TPR: variants seen among roughly 807,000 people sequenced by gnomAD.
TPR encodes translocated promoter region, nuclear basket protein, also known as nucleoprotein TPR.
Under a neutral mutation model 316.1 loss-of-function variants are expected in TPR, and 51 were observed. The ratio of observed to expected loss-of-function variants is 0.16; its 90% CI spans 0.13 to 0.20. The LOEUF is 0.20. TPR is among the 10% of genes least tolerant of loss of function. The pLI is 1.00. For missense variants in TPR, 2,272 were observed against 2,754.8 expected, an observed-to-expected ratio of 0.82 and a Z score of 3.92; for synonymous variants, 981 against 914.7, an observed-to-expected ratio of 1.07 and a Z score of -1.31.
rs1245767523 is a variant in TPR at position 186,335,349 on chromosome 1, G to T, written c.4900C>A (p.Pro1634Thr). The change falls in exon 34 of 51, where the codon CCT becomes ACT. Residue 1634 changes from proline to threonine, a missense_variant. Coordinates refer to ENST00000367478, the MANE Select transcript of TPR (RefSeq NM_003292.3). ...HLEQRDEPQEPSNKVPEQQRQ... is the reference protein window; with the variant it reads ...HLEQRDEPQETSNKVPEQQRQ... ...AATTAGCTAATCACCTTATTAGAAG[G>T]TTCTTGAGGCTCATCTCTCTGCTCA... is the stretch of plus-strand genomic sequence containing the variant. 6.2e-7 allele frequency: 1 copy of T among 1,613,206 alleles called. No individual in the cohort carries two copies. Among genetic ancestry groups the T allele is most frequent in the African/African-American group, 1.3e-5 (1 of 74,870 alleles).
intron 17 of TPR, among the ~76,000 whole-genome samples, chr1:186,355,164 C>A (rs1658986487): frequency 6.6e-6 from 1 of 152,118 alleles, no homozygotes; most frequent in East Asian, 1.9e-4. Flanking sequence ...CTCGGCTTCC[C>A]AAAGTGCTGG....
intron 2 of TPR, among the ~76,000 whole-genome samples, chr1:186,373,068 G>A (rs773999913): frequency 2.0e-5 from 3 of 152,078 alleles, no homozygotes; most frequent in Non-Finnish European, 4.4e-5. Flanking sequence ...ACAGACATGT[G>A]GGTCTAACCA....
intron 12 of TPR, 137 bp from the exon 13 acceptor site, chr1:186,358,787 T>C (rs1463499102): frequency 1.5e-6 from 1 of 670,760 alleles, no homozygotes; most frequent in Non-Finnish European, 2.4e-6. Context: ...TTGTAGCCAC[T>C]AAAAAAGAAG....
intron 21 of TPR, 88 bp downstream of exon 21, chr1:186,350,135 G>C: frequency 8.2e-7 from 1 of 1,220,120 alleles, no homozygotes; most frequent in Admixed American, 2.9e-5. Context: ...CATTCACAAA[G>C]AATTAGGCTA....
intron 41 of TPR, 31 bp downstream of exon 41, chr1:186,326,073 A>T (rs761198795): frequency 1.2e-6 from 2 of 1,613,120 alleles, no homozygotes; most frequent in East Asian, 4.5e-5. Flanking sequence ...CATAGAAAGA[A>T]CTATGAATGG....
intron 29 of TPR, 123 bp downstream of exon 29, chr1:186,340,905 T>C (rs923065814): frequency 8.9e-6 from 11 of 1,238,776 alleles, no homozygotes; most frequent in Admixed American, 4.9e-5. Context: ...AATAACATAA[T>C]AGACTTTCAC....
rs369798093 is a variant in TPR at position 186,314,708 on chromosome 1, T to C, written c.6957A>G (p.Gln2319=). Residue 2319 remains glutamine (Q), a synonymous_variant, in exon 50 of 51, where the codon CAA becomes CAG. Coordinates refer to ENST00000367478, the MANE Select transcript of TPR (RefSeq NM_003292.3). ...SSSSVDTSSS[Q]PKPFRRVRLQ... ...GTCTTACTCGTCTGAAAGGCTTTGG[T>C]TGACTACTACTAGTATCTAAGAAAA... 3.1e-6 allele frequency: 5 copies of C among 1,612,026 alleles called. No individual in the cohort carries two copies. The highest frequency in any genetic ancestry group is 1.3e-5 in the African/African-American group (1 of 74,856).
rs906631205 is a variant in TPR, at chr1:186,313,528, T to G, written c.*443A>C. The stretch of plus-strand genomic sequence containing the variant: ...AAAGCTGAAAAGTCTAGGCAATTGT[T>G]TTTCTTTTTGTTATAAAGTTCAAAT... On this transcript the variant is annotated 3_prime_UTR_variant, in exon 51 of 51. Transcript: ENST00000367478. The G allele has an allele frequency of 6.4e-5, 37 of 581,440 alleles. No individual in the cohort carries two copies. In the African/African-American group the frequency reaches 6.5e-4, roughly 10 times the overall value. 36.0% of individuals were successfully genotyped at this position (581,440 alleles called of 1,614,324 possible). A position where few individuals can be genotyped will look rare whatever the true frequency, so the allele number is the denominator to read the frequency against.
chr1:186,371,603 AAACATAGGCT>A (rs1181902932), intron 2 of TPR, among the ~76,000 whole-genome samples: 2 of 152,172 alleles, frequency 1.3e-5, no homozygotes, highest in African/African-American at 4.8e-5. Flanking sequence ...TTTCTCTTCT[AAACATAGGCT>A]AACTAGAAAA....
At chr1:186,339,408 T>C (rs1658440907) in intron 30 of TPR, among the ~76,000 whole-genome samples, 1 of 151,886 alleles carries the variant, frequency 6.6e-6, no homozygotes, top group Admixed American at 6.6e-5. Context: ...AGTAGCTCTT[T>C]AAAAAATAAA....
intron 9 of TPR, among the ~76,000 whole-genome samples, 195 bp from the exon 10 acceptor site, chr1:186,361,100 T>C (rs1159355316): frequency 6.6e-6 from 1 of 151,872 alleles, no homozygotes; most frequent in Non-Finnish European, 1.5e-5. Context: ...TTTCTCCTTT[T>C]GATGTCTCTT....
chr1:186,339,590 T>C (rs1414517726), intron 30 of TPR, 52 bp downstream of exon 30: 15 of 1,379,282 alleles, frequency 1.1e-5, no homozygotes, highest in Non-Finnish European at 1.3e-5. Context: ...TGTAAATAAG[T>C]AAAATAAACT....
At chr1:186,363,290 G>A in intron 5 of TPR, 52 bp downstream of exon 5, 1 of 1,392,752 alleles carries the variant, frequency 7.2e-7, no homozygotes, top group Non-Finnish European at 1.0e-6. Context: ...TAATTTAGGT[G>A]AGTTTTAATA....
intron 45 of TPR, among the ~76,000 whole-genome samples, chr1:186,321,003 A>G (rs1657761112): frequency 6.6e-6 from 1 of 152,182 alleles, no homozygotes; most frequent in African/African-American, 2.4e-5. Flanking sequence ...TTCCTTAGCT[A>G]GTGAGCTATT....
At chr1:186,317,323 A>G (rs942353951) in intron 49 of TPR, among the ~76,000 whole-genome samples, 159 bp downstream of exon 49, 3 of 152,274 alleles carry the variant, frequency 2.0e-5, no homozygotes, top group African/African-American at 4.8e-5. Flanking sequence ...AATTATTTCA[A>G]TATAAACCAA....
rs78094524 is a variant in TPR at position 186,315,746 on chromosome 1, A to G, written c.6941-1022T>C. ...GATCTATCCTCTCCCGCCTCTTAAC[A>G]TATCTCCTGCTACTCTCTGTTCTCA... On this transcript the variant is annotated intron_variant, in intron 49 of 50. Coordinates refer to ENST00000367478, the MANE Select transcript of TPR (RefSeq NM_003292.3). Among the ~76,000 whole-genome samples, 305 of 151,176 alleles carry G rather than the reference A, an allele frequency of 2.0e-3. 1 individual carries two copies. Among genetic ancestry groups the G allele is most frequent in the African/African-American group, 6.4e-3 (264 of 41,064 alleles).
chr1:186,366,342 C>A (rs1229938568), intron 4 of TPR, among the ~76,000 whole-genome samples: 1 of 152,154 alleles, frequency 6.6e-6, no homozygotes, highest in African/African-American at 2.4e-5. Flanking sequence ...TTTTCTCTTC[C>A]TTATGATTTT....
intron 48 of TPR, among the ~76,000 whole-genome samples, 161 bp from the exon 49 acceptor site, chr1:186,317,761 A>G (rs940665994): frequency 3.3e-5 from 5 of 152,222 alleles, no homozygotes; most frequent in Non-Finnish European, 2.9e-5. Context: ...TCAAAGGAGC[A>G]GGGGGGAAAA....
At chr1:186,315,412 ATC>A (rs1374159540) in intron 49 of TPR, among the ~76,000 whole-genome samples, 1 of 152,154 alleles carries the variant, frequency 6.6e-6, no homozygotes, top group African/African-American at 2.4e-5. Flanking sequence ...CACAAATTAT[ATC>A]TGATTCTTTT....
Sources: gnomAD v4.1 joint callset for allele counts (sites outside exome capture counted in the v4.1 genomes callset) on GRCh38, gnomAD v4.1.1 for gene constraint, MANE v1.5 for transcripts, NCBI Gene and HGNC (gene_info 2026-07-23, HGNC 2026-07-21) for gene names.